The following GPR89B variants were observed in gnomAD, a reference collection of about 807,000 sequenced individuals.
GPR89B encodes the protein G protein-coupled receptor 89B.
In GPR89B, 25 loss-of-function variants were observed where a neutral mutation model predicts 52.4. The ratio of observed to expected loss-of-function variants is 0.48; its 90% CI spans 0.35 to 0.67. The LOEUF is 0.67. Ranked by LOEUF, GPR89B falls within the 30% of genes least tolerant of loss-of-function variation. The probability of loss-of-function intolerance (pLI) is 0.01; values close to 1 mark genes in which losing one functional copy is unlikely to be tolerated. For synonymous variants in GPR89B, 52 were observed against 151.2 expected (o/e 0.34, Z 4.81); for missense variants, 146 against 450.2 (o/e 0.32, Z 6.11).
intron 7 of GPR89B, among the ~76,000 whole-genome samples, chr1:147,960,436 A>T (rs1208900391): frequency 6.6e-6 from 1 of 152,156 alleles, no homozygotes; most frequent in Non-Finnish European, 1.5e-5. Context: ...ATCCCAACAA[A>T]GAAATGGAAA....
chr1:147,992,516 C>T lies in GPR89B; in HGVS notation c.1110C>T (p.Ile370=). The change falls in exon 13 of 14, where the codon ATC becomes ATT. Residue 370 remains isoleucine, a synonymous_variant. Transcript: ENST00000314163. ...TTTCTTGACAGTTCTTTTATGCCAT[C>T]TCTAGCAGTAAGTCCTCCAATGTCA... ...LITLTKFFYA[I]SSSKSSNVIV... 1 of 1,611,594 alleles carries T rather than the reference C, an allele frequency of 6.2e-7. No individual in the cohort carries two copies. The highest frequency in any genetic ancestry group is 8.5e-7 in the Non-Finnish European group (1 of 1,179,576).
chr1:147,995,874 C>T (rs1378116674), downstream of GPR89B: 4,357 of 1,430,706 alleles, frequency 3.0e-3, 106 homozygotes, highest in African/African-American at 0.053. Context: ...TCAGCAGGAC[C>T]GCCCTTCTGT....
chr1:147,961,472 T>C (rs1261642542), intron 7 of GPR89B, among the ~76,000 whole-genome samples: 1 of 152,006 alleles, frequency 6.6e-6, no homozygotes, highest in Non-Finnish European at 1.5e-5. Context: ...AAAAAAGTAA[T>C]GGTTATTCAA....
the GPR89B span, among the ~76,000 whole-genome samples, chr1:148,002,756 C>T: frequency 5.3e-5 from 8 of 152,170 alleles, no homozygotes; most frequent in Non-Finnish European, 1.2e-4. Context: ...CCTACCTTTC[C>T]AACGAATTCT....
chr1:147,964,095 C>T (rs1259203831), intron 7 of GPR89B, among the ~76,000 whole-genome samples: 14 of 151,722 alleles, frequency 9.2e-5, no homozygotes, highest in African/African-American at 2.2e-4. Context: ...GGAAATGTCC[C>T]GTATTGTGAC....
In GPR89B at chr1:147,993,017, A is replaced by G; in HGVS notation, c.*100A>G. 1.3e-6 allele frequency: 2 copies of G among 1,536,418 alleles called. No homozygotes were observed. The highest frequency in any genetic ancestry group is 1.7e-6 in the Non-Finnish European group (2 of 1,144,070). On this transcript the variant is annotated 3_prime_UTR_variant, in exon 14 of 14. Coordinates refer to ENST00000314163, the MANE Select transcript of GPR89B (RefSeq NM_016334.5). ...AGGGCCTGACATTTTATAAACAAAC[A>G]AAATGCTATGGTAGCATTTTTCACC...
At chr1:147,938,103 C>T (rs1412919200) in intron 2 of GPR89B, among the ~76,000 whole-genome samples, 8 of 151,996 alleles carry the variant, frequency 5.3e-5, no homozygotes, top group East Asian at 1.9e-4. Context: ...CCTGACTTCC[C>T]GCAACACAAG....
intron 5 of GPR89B, among the ~76,000 whole-genome samples, chr1:147,949,649 G>C (rs1162942215): frequency 7.3e-6 from 1 of 137,180 alleles, no homozygotes; most frequent in African/African-American, 2.9e-5. Context: ...CCTCCCGGAT[G>C]GGGCGGCTGG....
chr1:147,943,347 C>G, intron 3 of GPR89B, 91 bp from the exon 4 acceptor site: 1 of 1,593,828 alleles, frequency 6.3e-7, no homozygotes, highest in Non-Finnish European at 8.6e-7. Context: ...AATATTGAGT[C>G]CAAGAGCAAA....
chr1:147,935,112 G>A (rs1553247643), intron 1 of GPR89B, among the ~76,000 whole-genome samples: 1 of 152,132 alleles, frequency 6.6e-6, no homozygotes, highest in East Asian at 1.9e-4. Context: ...ATGTAAAACA[G>A]GATTATATAA....
Position 147,928,467 on chromosome 1 carries a change from C to T in GPR89B, c.-70C>T. 3 of 1,586,766 alleles carry T rather than the reference C, an allele frequency of 1.9e-6. No homozygotes were observed. The highest frequency in any genetic ancestry group is 1.1e-5 in the South Asian group (1 of 90,402). On this transcript the variant is annotated 5_prime_UTR_variant, in exon 1 of 14. Coordinates refer to ENST00000314163, the MANE Select transcript of GPR89B (RefSeq NM_016334.5). ...GGAGAAGGCAGACCGTGTGAGGGGG[C>T]CTGTGGCCCCAGCGTGCTGTGGCCT... is the stretch of plus-strand genomic sequence containing the variant.
At chr1:148,016,612 T>C in the GPR89B span, among the ~76,000 whole-genome samples, 1 of 151,598 alleles carries the variant, frequency 6.6e-6, no homozygotes, top group Non-Finnish European at 1.5e-5. Flanking sequence ...TTTTCAGCTA[T>C]TGTTTCTTCA....
chr1:147,973,246 AC>A lies in GPR89B; in HGVS notation c.909+3288del, dbSNP rs1164981975. Among the ~76,000 whole-genome samples the A allele has an allele frequency of 4.6e-5, 7 of 151,928 alleles. No individual in the cohort carries two copies. The East Asian group carries it at 1.4e-3, about 29-fold the overall frequency. ...TTGAGGAATCACCACACTGTCTTCCACAATGATTGAGTTAATGTACATTCCC... is the reference window on the plus strand; with the variant it reads ...TTGAGGAATCACCACACTGTCTTCCAAATGATTGAGTTAATGTACATTCCC... On this transcript the variant is annotated intron_variant, in intron 10 of 13. Transcript: ENST00000314163.
chr1:148,000,720 A>T, the GPR89B span, among the ~76,000 whole-genome samples: 18 of 150,462 alleles, frequency 1.2e-4, no homozygotes, highest in South Asian at 8.6e-4. Flanking sequence ...GATGGTACTT[A>T]GAAGGCCCCC....
chr1:147,941,452 T>G (rs1654550214), intron 3 of GPR89B, among the ~76,000 whole-genome samples: 6 of 152,000 alleles, frequency 3.9e-5, no homozygotes, highest in Admixed American at 1.3e-4. Context: ...ATGTATCTAG[T>G]CTAAATGGTA....
In GPR89B at chr1:147,952,232, T is replaced by C. The variant is rs2995485; in HGVS notation, c.416-1113T>C. ...ATTTGTAATGGCTCCAAAATCAGTATGCATTCTAGCAATTTGAGGCAGCAA... is the reference window on the plus strand; with the variant it reads ...ATTTGTAATGGCTCCAAAATCAGTACGCATTCTAGCAATTTGAGGCAGCAA... On this transcript the variant is annotated intron_variant, in intron 5 of 13. Transcript: ENST00000314163. 2.8e-3 allele frequency among the ~76,000 whole-genome samples: 426 copies of C among 152,018 alleles called. 3 individuals carry two copies. Among genetic ancestry groups the C allele is most frequent in the Admixed American group, 4.4e-3 (68 of 15,292 alleles).
Position 147,943,546 on chromosome 1 carries a change from T to G in GPR89B, c.313+2T>G. ...TTATTGTGAGCAATATCCGACTACG[T>G]AAGTATTTTACCCTCTCAGTCAGCG... On this transcript the variant is annotated splice_donor_variant, in intron 4 of 13. Coordinates refer to ENST00000314163, the MANE Select transcript of GPR89B (RefSeq NM_016334.5). LOFTEE classifies it high-confidence loss of function. 1 of 1,613,336 alleles carries G rather than the reference T, an allele frequency of 6.2e-7. No homozygotes were observed. Among genetic ancestry groups the G allele is most frequent in the Non-Finnish European group, 8.5e-7 (1 of 1,179,458 alleles).
At chr1:147,947,274 G>T (rs1358560363) in intron 5 of GPR89B, among the ~76,000 whole-genome samples, 2 of 151,070 alleles carry the variant, frequency 1.3e-5, no homozygotes, top group Non-Finnish European at 2.9e-5. Context: ...GGAGGCTGAG[G>T]TTGCAGTGAG....
chr1:147,989,977 C>T (rs1377435196), intron 12 of GPR89B, among the ~76,000 whole-genome samples: 3 of 152,206 alleles, frequency 2.0e-5, no homozygotes, highest in Non-Finnish European at 4.4e-5. Flanking sequence ...GGGTATATAC[C>T]CAGTAATGGG....
Sources: gnomAD v4.1 joint callset for allele counts (sites outside exome capture counted in the v4.1 genomes callset) on GRCh38, gnomAD v4.1.1 for gene constraint, MANE v1.5 for transcripts, NCBI Gene and HGNC (gene_info 2026-07-23, HGNC 2026-07-21) for gene names.